Variants in ELAVL1 observed in about 807,000 individuals in gnomAD.
ELAVL1 encodes ELAV like RNA binding protein 1.
A neutral mutation model predicts 28.4 loss-of-function variants in ELAVL1; 1 was observed. The ratio of observed to expected loss-of-function variants is 0.04; its 90% confidence interval spans 0.01 to 0.17. ELAVL1 has a LOEUF of 0.17. Among genes scored for constraint, ELAVL1 ranks in the 10% least tolerant of loss-of-function variants. ELAVL1 has a pLI of 1.00. For missense variants in ELAVL1, 157 were observed against 447.2 expected (o/e 0.35, Z 5.85); for synonymous variants, 174 against 183.5 (o/e 0.95, Z 0.42).
chr19:7,986,116 C>T (rs917607590), intron 2 of ELAVL1, among the ~76,000 whole-genome samples: 2 of 152,252 alleles, frequency 1.3e-5, no homozygotes, highest in African/African-American at 4.8e-5. Flanking sequence ...TTGTCTTATG[C>T]TGCCAGACAC....
intron 4 of ELAVL1, among the ~76,000 whole-genome samples, chr19:7,971,784 G>A (rs898277097): frequency 1.3e-5 from 2 of 152,238 alleles, no homozygotes; most frequent in African/African-American, 2.4e-5. Context: ...CAGCGGGAAC[G>A]AAGGCCGGCA....
intron 5 of ELAVL1, among the ~76,000 whole-genome samples, chr19:7,967,130 G>A (rs1984976447): frequency 6.6e-6 from 1 of 152,072 alleles, no homozygotes; most frequent in Non-Finnish European, 1.5e-5. Context: ...CAACCTCCTG[G>A]GCTCAAGCAA....
intron 1 of ELAVL1, among the ~76,000 whole-genome samples, chr19:7,996,936 T>C (rs2081051753): frequency 6.6e-6 from 1 of 152,150 alleles, no homozygotes; most frequent in Non-Finnish European, 1.5e-5. Flanking sequence ...ATGCTCAACA[T>C]CATTAGTCAA....
intron 5 of ELAVL1, 80 bp downstream of exon 5, chr19:7,967,485 G>C: frequency 1.4e-6 from 2 of 1,459,468 alleles, no homozygotes; most frequent in Non-Finnish European, 1.9e-6. Flanking sequence ...TCATCCCCGT[G>C]GTTTCTATTC....
At chr19:8,000,928 A>G (rs1018977954) in intron 1 of ELAVL1, among the ~76,000 whole-genome samples, 4 of 152,258 alleles carry the variant, frequency 2.6e-5, no homozygotes, top group African/African-American at 9.6e-5. Flanking sequence ...TCAAGGCCAA[A>G]GGCCACTGCA....
At chr19:7,974,205 C>T (rs576706753) in intron 3 of ELAVL1, among the ~76,000 whole-genome samples, 1 of 147,354 alleles carries the variant, frequency 6.8e-6, no homozygotes, top group South Asian at 2.1e-4. Context: ...GACAGTGAGC[C>T]GGTGCCAGAG....
At position 7,967,436 on chromosome 19, in the gene ELAVL1, G is replaced by A. The variant is rs74176261; in HGVS notation, c.656+129C>T. ...ATGGAGGTTGTGGTGTGGAGCTGCA[G>A]AATGATTCTGAAACGCGCTCTCTGA... is the stretch of plus-strand genomic sequence containing the variant. On this transcript the variant is annotated intron_variant, in intron 5 of 5. Coordinates refer to ENST00000407627, the MANE Select transcript of ELAVL1 (RefSeq NM_001419.3). 4.8e-6 allele frequency: 5 copies of A among 1,041,340 alleles called. No individual in the cohort carries two copies. In the Admixed American group the frequency reaches 1.4e-4, roughly 28 times the overall value. The allele number at this position is 1,041,340 out of a possible 1,614,324, so 64.5% of individuals were successfully genotyped here.
chr19:7,978,862 G>A lies in ELAVL1; in HGVS notation c.276+2221C>T, dbSNP rs539486629. ...TGACTGGTGTCAGAATAGAACTGCA[G>A]GACACCAGGTGGCATCAGACCAAGA... On this transcript the variant is annotated intron_variant, in intron 3 of 5. Coordinates refer to ENST00000407627, the MANE Select transcript of ELAVL1 (RefSeq NM_001419.3). Among the ~76,000 whole-genome samples the A allele has an allele frequency of 3.9e-5, 6 of 152,294 alleles. No individual in the cohort carries two copies. The South Asian group carries it at 1.2e-3, about 32-fold the overall frequency.
chr19:7,985,935 T>C (rs146912748), intron 2 of ELAVL1, among the ~76,000 whole-genome samples: 1 of 152,328 alleles, frequency 6.6e-6, no homozygotes, highest in East Asian at 1.9e-4. Context: ...GACTGTACCC[T>C]GAAAGCTGCT....
Position 7,974,030 on chromosome 19 carries a change from G to A in ELAVL1, c.277-152C>T, listed in dbSNP as rs1027512225. On this transcript the variant is annotated intron_variant, in intron 3 of 5. Coordinates refer to ENST00000407627, the MANE Select transcript of ELAVL1 (RefSeq NM_001419.3). ...TCACTGACGCTCACCGCCTGCAGCCGCATGGTGGCAAGCTCACTGAGGGAT... is the reference window on the plus strand; with the variant it reads ...TCACTGACGCTCACCGCCTGCAGCCACATGGTGGCAAGCTCACTGAGGGAT... 20 of 1,044,560 alleles carry A rather than the reference G, an allele frequency of 1.9e-5. No individual in the cohort carries two copies. The African/African-American group carries it at 2.3e-4, about 12-fold the overall frequency. 64.7% of individuals were successfully genotyped at this position (1,044,560 alleles called of 1,614,324 possible).
Position 7,963,877 on chromosome 19 carries a change from C to T in ELAVL1, c.657-70G>A, listed in dbSNP as rs1160520848. The T allele has an allele frequency of 5.3e-6, 8 of 1,513,736 alleles. No homozygotes were observed. In the Admixed American group the frequency reaches 6.0e-5, roughly 11 times the overall value. 93.8% of individuals were successfully genotyped at this position (1,513,736 alleles called of 1,614,324 possible). On this transcript the variant is annotated intron_variant, in intron 5 of 5. Coordinates refer to ENST00000407627, the MANE Select transcript of ELAVL1 (RefSeq NM_001419.3). The surrounding 1 kb of genome is among the most constrained non-coding windows in gnomAD (Gnocchi z 4.5). The stretch of plus-strand genomic sequence containing the variant: ...GCCTGGGGATGGGGCAAGGCCTGGA[C>T]GCATGCTGACCATGGCCGCTGGGCC...
intron 2 of ELAVL1, among the ~76,000 whole-genome samples, chr19:7,985,586 CAGG>C (rs1055314925): frequency 2.2e-4 from 33 of 152,182 alleles, no homozygotes; most frequent in Admixed American, 2.1e-3. Context: ...TGCGAGGGAG[CAGG>C]AGGACAGGGA....
intron 2 of ELAVL1, among the ~76,000 whole-genome samples, chr19:7,985,101 G>A (rs1288284064): frequency 6.6e-6 from 1 of 152,170 alleles, no homozygotes; most frequent in Non-Finnish European, 1.5e-5. Context: ...TTAATTTTTT[G>A]TAGAGATGGG....
chr19:8,002,058 G>A, intron 1 of ELAVL1: 3 of 1,289,244 alleles, frequency 2.3e-6, no homozygotes, highest in Non-Finnish European at 3.0e-6. Flanking sequence ...CTACCTGCAG[G>A]GTAACAGCCA....
rs1985489641 is a variant in ELAVL1, at chr19:7,982,439, C to A, written c.173-1253G>T. ...GGCAGAGATCCTCCTGGCAGCTGGG[C>A]CAGGGACATCCAGATCCATCTCACC... On this transcript the variant is annotated intron_variant, in intron 2 of 5. Coordinates refer to ENST00000407627, the MANE Select transcript of ELAVL1 (RefSeq NM_001419.3). This position sits in a 1 kb window ranked among gnomAD's most constrained non-coding sequence, Gnocchi z 4.3. Among the ~76,000 whole-genome samples the A allele has an allele frequency of 6.6e-6, 1 of 152,210 alleles. No homozygotes were observed. The highest frequency in any genetic ancestry group is 6.5e-5 in the Admixed American group (1 of 15,278).
intron 2 of ELAVL1, among the ~76,000 whole-genome samples, chr19:7,986,036 A>G (rs1246415951): frequency 1.3e-5 from 2 of 152,246 alleles, no homozygotes. Context: ...AACACTGGCC[A>G]GTGCTCTCGA....
chr19:7,980,998 G>C, intron 3 of ELAVL1, 85 bp downstream of exon 3: 2 of 1,361,410 alleles, frequency 1.5e-6, no homozygotes, highest in Non-Finnish European at 2.1e-6. Context: ...TAGTCCCTTG[G>C]AGAGTGACTG....
At chr19:7,968,284 C>T (rs1336475912) in intron 4 of ELAVL1, among the ~76,000 whole-genome samples, 2 of 152,160 alleles carry the variant, frequency 1.3e-5, no homozygotes, top group Non-Finnish European at 2.9e-5. Context: ...CAGCAGGCCT[C>T]GTGGCCGAGC....
At position 7,962,900 on chromosome 19, in the gene ELAVL1, T is replaced by G. The variant is rs75744398; in HGVS notation, c.*583A>C. On this transcript the variant is annotated 3_prime_UTR_variant, in exon 6 of 6. Coordinates refer to ENST00000407627, the MANE Select transcript of ELAVL1 (RefSeq NM_001419.3). Reference sequence around the variant, plus strand: ...TGCAGCCCGTGGCCCCCGGCCCCAGTGGTGGCCCACGCTGGACGGGCCCGC... The same window carrying G: ...TGCAGCCCGTGGCCCCCGGCCCCAGGGGTGGCCCACGCTGGACGGGCCCGC... 0.021 allele frequency: 3,253 copies of G among 152,950 alleles called. 191 individuals carry two copies. The East Asian group carries it at 0.21, about 10-fold the overall frequency. 9.5% of individuals were successfully genotyped at this position (152,950 alleles called of 1,614,324 possible). A position where few individuals can be genotyped will look rare whatever the true frequency, so the allele number is the denominator to read the frequency against.
Sources: gnomAD v4.1 joint callset for allele counts (sites outside exome capture counted in the v4.1 genomes callset) on GRCh38, gnomAD v4.1.1 for gene constraint, Gnocchi (gnomAD v3.1) non-coding constraint, MANE v1.5 for transcripts, NCBI Gene and HGNC (gene_info 2026-07-23, HGNC 2026-07-21) for gene names.